Variants in ZNF385D observed in about 807,000 individuals in gnomAD.
ZNF385D encodes the protein zinc finger protein 659.
ZNF385D carries 15 observed loss-of-function variants against 35.8 expected under a neutral mutation model. The ratio of observed to expected loss-of-function variants is 0.42; its 90% CI spans 0.28 to 0.64. ZNF385D has a LOEUF of 0.64. Among genes scored for constraint, ZNF385D ranks in the 30% least tolerant of loss-of-function variants. ZNF385D has a pLI of 0.23. For synonymous variants in ZNF385D, 212 were observed against 186.8 expected, an observed-to-expected ratio of 1.13 and a Z score of -1.10; for missense variants, 474 against 494.6, an observed-to-expected ratio of 0.96 and a Z score of 0.39.
intron 3 of ZNF385D, among the ~76,000 whole-genome samples, chr3:21,892,843 T>G (rs542508841): frequency 2.7e-4 from 41 of 152,156 alleles, no homozygotes; most frequent in Non-Finnish European, 4.7e-4. Flanking sequence ...CATTGTGGAT[T>G]GTAAAGTCCA....
intron 3 of ZNF385D, among the ~76,000 whole-genome samples, chr3:21,820,141 T>G (rs1012187146): frequency 6.6e-6 from 1 of 151,764 alleles, no homozygotes; most frequent in East Asian, 1.9e-4. Flanking sequence ...CATTACACTT[T>G]ATTTTTAAAC....
intron 3 of ZNF385D, among the ~76,000 whole-genome samples, chr3:22,019,144 A>C (rs1199920280): frequency 7.2e-6 from 1 of 138,644 alleles, no homozygotes; most frequent in East Asian, 2.1e-4. Flanking sequence ...CTATACAGGG[A>C]TCTATAATAA....
chr3:21,729,439 TAA>T (rs2068899589), intron 1 of ZNF385D, among the ~76,000 whole-genome samples: 1 of 152,080 alleles, frequency 6.6e-6, no homozygotes, highest in African/African-American at 2.4e-5. Context: ...TCTTTAAAGA[TAA>T]AACTGTCATT....
intron 3 of ZNF385D, among the ~76,000 whole-genome samples, chr3:21,891,723 T>C (rs1261958063): frequency 6.6e-6 from 1 of 152,206 alleles, no homozygotes; most frequent in Non-Finnish European, 1.5e-5. Flanking sequence ...CCTTGACGTT[T>C]TCTAACAATC....
intron 3 of ZNF385D, among the ~76,000 whole-genome samples, chr3:21,842,069 G>A (rs9841593): frequency 0.012 from 1,839 of 151,696 alleles, 35 homozygotes; most frequent in African/African-American, 0.04. Context: ...CTAAAATTTA[G>A]ATTTTTTGTT....
intron 1 of ZNF385D, among the ~76,000 whole-genome samples, chr3:21,676,117 T>A (rs1352691544): frequency 6.6e-6 from 1 of 152,120 alleles, no homozygotes; most frequent in Non-Finnish European, 1.5e-5. Flanking sequence ...TAAAATTTAT[T>A]AAGAACAGTG....
At position 21,421,209 on chromosome 3, in the gene ZNF385D, G is replaced by A. The variant is rs372322198; in HGVS notation, c.*5C>T. 6.2e-7 allele frequency: 1 copy of A among 1,611,024 alleles called. No homozygotes were observed. Among genetic ancestry groups the A allele is most frequent in the East Asian group, 2.2e-5 (1 of 44,834 alleles). ...TATTGCAGTACAATTACTCCTATTT[G>A]GAATTTAGTAAGGAGCAAACAGCAC... On this transcript the variant is annotated 3_prime_UTR_variant, in exon 8 of 8. Transcript: ENST00000281523.
chr3:21,841,935 C>T (rs1175902861), intron 3 of ZNF385D, among the ~76,000 whole-genome samples: 1 of 151,158 alleles, frequency 6.6e-6, no homozygotes, highest in Non-Finnish European at 1.5e-5. Flanking sequence ...CACATATATA[C>T]ATATATATAC....
chr3:22,179,467 C>T (rs527361679), intron 2 of ZNF385D, among the ~76,000 whole-genome samples: 16 of 152,368 alleles, frequency 1.1e-4, no homozygotes, highest in East Asian at 1.9e-4. Context: ...AGTTGCTTAT[C>T]GGCTTAAGGA....
At chr3:21,653,339 T>C (rs1486161754) in intron 2 of ZNF385D, among the ~76,000 whole-genome samples, 11 of 150,656 alleles carry the variant, frequency 7.3e-5, no homozygotes, top group Non-Finnish European at 1.5e-4. Flanking sequence ...CAGTTTCCCA[T>C]TGTTTATATT....
chr3:22,125,349 A>T (rs1429276702), intron 3 of ZNF385D, among the ~76,000 whole-genome samples: 1 of 152,014 alleles, frequency 6.6e-6, no homozygotes, highest in African/African-American at 2.4e-5. Flanking sequence ...CAGGTATGTG[A>T]TTCCTTCAGT....
chr3:21,752,202 A>C (rs1285942078), upstream of ZNF385D, among the ~76,000 whole-genome samples: 1 of 152,196 alleles, frequency 6.6e-6, no homozygotes, highest in Non-Finnish European at 1.5e-5. Context: ...AATGCACAGC[A>C]TGGAAAAAAT....
At chr3:21,923,569 A>C (rs1700581476) in intron 3 of ZNF385D, among the ~76,000 whole-genome samples, 1 of 152,180 alleles carries the variant, frequency 6.6e-6, no homozygotes, top group African/African-American at 2.4e-5. Context: ...CATGTTCCTC[A>C]TGGCACTATT....
chr3:21,848,576 T>C (rs1485403661), intron 3 of ZNF385D, among the ~76,000 whole-genome samples: 1 of 151,660 alleles, frequency 6.6e-6, no homozygotes, highest in Non-Finnish European at 1.5e-5. Context: ...GCTACAGAAA[T>C]ACAAAGAATC....
intron 2 of ZNF385D, among the ~76,000 whole-genome samples, chr3:21,595,572 A>G (rs2064106838): frequency 6.6e-6 from 1 of 151,810 alleles, no homozygotes; most frequent in Non-Finnish European, 1.5e-5. Context: ...TACGTGAGCA[A>G]TGTTGAATAC....
At chr3:22,329,213 G>C (rs1358544990) in intron 2 of ZNF385D, among the ~76,000 whole-genome samples, 2 of 152,070 alleles carry the variant, frequency 1.3e-5, no homozygotes, top group African/African-American at 2.4e-5. Context: ...GCCTCTTAGT[G>C]ATGATCTACA....
At chr3:21,667,353 G>A (rs2066439354) in intron 1 of ZNF385D, among the ~76,000 whole-genome samples, 1 of 152,018 alleles carries the variant, frequency 6.6e-6, no homozygotes, top group African/African-American at 2.4e-5. Flanking sequence ...GTAGAGACGG[G>A]TTTTTGCTAT....
intron 2 of ZNF385D, among the ~76,000 whole-genome samples, chr3:22,330,128 G>C (rs566836232): frequency 1.3e-5 from 2 of 151,934 alleles, no homozygotes; most frequent in Non-Finnish European, 1.5e-5. Context: ...TTTTCATTTC[G>C]ATGAGTACAT....
chr3:22,342,471 A>G (rs1026760091), intron 2 of ZNF385D, among the ~76,000 whole-genome samples: 1 of 152,056 alleles, frequency 6.6e-6, no homozygotes, highest in Non-Finnish European at 1.5e-5. Flanking sequence ...CCCTGGATCT[A>G]GAATTGTCTC....
Sources: gnomAD v4.1 joint callset for allele counts (sites outside exome capture counted in the v4.1 genomes callset) on GRCh38, gnomAD v4.1.1 for gene constraint, MANE v1.5 for transcripts, NCBI Gene and HGNC (gene_info 2026-07-23, HGNC 2026-07-21) for gene names.